The following TP63 variants were observed in gnomAD, a reference collection of about 807,000 sequenced individuals.
TP63 encodes tumor protein 63.
A neutral mutation model predicts 82.8 loss-of-function variants in TP63; 17 were observed. The observed-to-expected ratio is 0.21, with a 90% CI of 0.14 to 0.31. The LOEUF is 0.31. Ranked by LOEUF, TP63 falls within the 10% of genes least tolerant of loss-of-function variation. The pLI is 1.00. For missense variants in TP63, 648 were observed against 895.3 expected, an observed-to-expected ratio of 0.72 and a Z score of 3.52; for synonymous variants, 330 against 321.7, an observed-to-expected ratio of 1.03 and a Z score of -0.28.
intron 1 of TP63, among the ~76,000 whole-genome samples, chr3:189,695,727 TA>T (rs1007903990): frequency 6.6e-6 from 1 of 152,204 alleles, no homozygotes; most frequent in African/African-American, 2.4e-5. Context: ...CCTCCCACAC[TA>T]AAGTGAAAAA....
chr3:189,704,556 TA>T (rs1718059792), intron 1 of TP63, among the ~76,000 whole-genome samples: 1 of 152,206 alleles, frequency 6.6e-6, no homozygotes, highest in Non-Finnish European at 1.5e-5. Flanking sequence ...GTCAAAGTTG[TA>T]TGAGAGCAGT....
At chr3:189,771,309 T>TA (rs1576917922) in intron 3 of TP63, among the ~76,000 whole-genome samples, 1 of 138,300 alleles carries the variant, frequency 7.2e-6, no homozygotes, top group East Asian at 2.0e-4. Flanking sequence ...TTTATATATA[T>TA]AATATATTAT....
chr3:189,662,813 C>G (rs1714040092), intron 1 of TP63, among the ~76,000 whole-genome samples: 1 of 151,830 alleles, frequency 6.6e-6, no homozygotes, highest in African/African-American at 2.4e-5. Context: ...ATTTTAGTTT[C>G]TTAAACATTT....
chr3:189,887,397 A>G (rs1362367633), intron 11 of TP63, among the ~76,000 whole-genome samples: 3 of 152,282 alleles, frequency 2.0e-5, no homozygotes, highest in African/African-American at 7.2e-5. Flanking sequence ...ATTCTATCCC[A>G]GACACAGTCA....
intron 4 of TP63, among the ~76,000 whole-genome samples, chr3:189,842,101 G>C (rs567516237): frequency 2.6e-5 from 4 of 152,248 alleles, no homozygotes; most frequent in East Asian, 1.9e-4. Context: ...CCACCCTTAG[G>C]GGGAGGATAA....
intron 1 of TP63, among the ~76,000 whole-genome samples, chr3:189,720,005 G>C (rs9815203): frequency 6.6e-6 from 1 of 151,942 alleles, no homozygotes; most frequent in African/African-American, 2.4e-5. Flanking sequence ...TTCAGTAGCA[G>C]TTTTCACTGT....
chr3:189,682,548 AAAAAAATATATATATATATATAT>A lies in TP63; in HGVS notation c.62+50973_62+50995del, dbSNP rs1228451386. On this transcript the variant is annotated intron_variant, in intron 1 of 13. Transcript: ENST00000264731. ...TTGGTCCTAAGGGGAAAAAAAAAAA[AAAAAAATATATATATATATATAT>A]ATATATATATATATATATATATATC... is the stretch of plus-strand genomic sequence containing the variant. Among the ~76,000 whole-genome samples the A allele has an allele frequency of 8.2e-3, 401 of 48,944 alleles. 13 individuals are homozygous for A. Among genetic ancestry groups the A allele is most frequent in the Middle Eastern group, 0.042 (3 of 72 alleles). 32.1% of individuals were successfully genotyped at this position (48,944 alleles called of 152,430 possible).
chr3:189,875,611 T>TATATATATATATATATATATACACAC (rs1719021465), intron 10 of TP63, among the ~76,000 whole-genome samples: 38 of 77,000 alleles, frequency 4.9e-4, no homozygotes, highest in Non-Finnish European at 8.6e-4. Flanking sequence ...TATATATATA[T>TATATATATATATATATATATACACAC]ATATATATAT....
chr3:189,749,051 G>A (rs189390060), intron 3 of TP63, among the ~76,000 whole-genome samples: 2 of 151,986 alleles, frequency 1.3e-5, no homozygotes, highest in South Asian at 2.1e-4. Context: ...ATACTTAAAT[G>A]TAAGGCCTTA....
intron 3 of TP63, among the ~76,000 whole-genome samples, chr3:189,789,184 G>T (rs986692049): frequency 2.0e-5 from 3 of 151,894 alleles, no homozygotes; most frequent in African/African-American, 7.2e-5. Flanking sequence ...TTTTTATATT[G>T]GTTAAATGTA....
At chr3:189,643,402 C>A (rs1712098225) in intron 1 of TP63, among the ~76,000 whole-genome samples, 1 of 151,684 alleles carries the variant, frequency 6.6e-6, no homozygotes, top group Non-Finnish European at 1.5e-5. Context: ...CTTAGAGTTG[C>A]CCAGTTTGGA....
intron 1 of TP63, among the ~76,000 whole-genome samples, chr3:189,677,791 T>A (rs978906457): frequency 6.6e-6 from 1 of 152,170 alleles, no homozygotes; most frequent in African/African-American, 2.4e-5. Flanking sequence ...ATAGCCATTC[T>A]GACTGGTGTA....
chr3:189,868,820 G>C, intron 8 of TP63, 104 bp downstream of exon 8: 2 of 1,585,896 alleles, frequency 1.3e-6, no homozygotes, highest in East Asian at 4.5e-5. Flanking sequence ...GTGACCTTCA[G>C]CAGCAAGTGG....
intron 3 of TP63, among the ~76,000 whole-genome samples, chr3:189,759,963 G>C (rs1722449609): frequency 6.6e-6 from 1 of 152,328 alleles, no homozygotes; most frequent in African/African-American, 2.4e-5. Context: ...GAGAGAGCTT[G>C]TGTGGAGAAA....
intron 1 of TP63, among the ~76,000 whole-genome samples, chr3:189,720,616 C>T (rs1719306725): frequency 6.6e-6 from 1 of 151,904 alleles, no homozygotes; most frequent in African/African-American, 2.4e-5. Context: ...TGCCTGTAAT[C>T]CCAGCTACTC....
chr3:189,607,651 A>T, the TP63 span, among the ~76,000 whole-genome samples: 1 of 151,788 alleles, frequency 6.6e-6, no homozygotes, highest in Non-Finnish European at 1.5e-5. Context: ...TAAATGAAAA[A>T]TTAGAATATA....
At chr3:189,890,608 T>G (rs986438029) in intron 12 of TP63, among the ~76,000 whole-genome samples, 181 bp from the exon 13 acceptor site, 2 of 152,172 alleles carry the variant, frequency 1.3e-5, no homozygotes, top group Non-Finnish European at 2.9e-5. Flanking sequence ...GACCTAAACT[T>G]CATGTCACCA....
chr3:189,858,398 C>T lies in TP63; in HGVS notation c.580-5834C>T, dbSNP rs1418829422. ...TCCAGCCTGGGCGACAGCGAGACTC[C>T]GTCTCAAAAAAAAAAAAAAAAAAAA... On this transcript the variant is annotated intron_variant, in intron 4 of 13. Transcript: ENST00000264731. 5.7e-4 allele frequency among the ~76,000 whole-genome samples: 6 copies of T among 10,508 alleles called. 2 individuals are homozygous for T. Among genetic ancestry groups the T allele is most frequent in the East Asian group, 2.7e-3 (2 of 746 alleles). The allele number at this position is 10,508 out of a possible 152,430, so 6.9% of individuals were successfully genotyped here.
chr3:189,830,025 C>T, intron 4 of TP63: 1 of 219,066 alleles, frequency 4.6e-6, no homozygotes, highest in Non-Finnish European at 1.1e-5. Context: ...ATTAGCTCCA[C>T]TGTAACCTTC....
Sources: gnomAD v4.1 joint callset for allele counts (sites outside exome capture counted in the v4.1 genomes callset) on GRCh38, gnomAD v4.1.1 for gene constraint, MANE v1.5 for transcripts, NCBI Gene and HGNC (gene_info 2026-07-23, HGNC 2026-07-21) for gene names.